Variants in PSMF1 observed in about 807,000 individuals in gnomAD.
PSMF1 encodes proteasome inhibitor PI31 subunit.
PSMF1 carries 30 observed loss-of-function variants against 29.3 expected under a neutral mutation model. The observed-to-expected ratio is 1.02, with a 90% CI of 0.77 to 1.39. The LOEUF is 1.39. Among genes scored for constraint, PSMF1 ranks in the 40% most tolerant of loss-of-function variants. The pLI is 0.00. For missense variants in PSMF1, 344 were observed against 357.5 expected, an observed-to-expected ratio of 0.96 and a Z score of 0.31; for synonymous variants, 134 against 139.7, an observed-to-expected ratio of 0.96 and a Z score of 0.29.
chr20:1,137,628 A>G (rs987572463), intron 4 of PSMF1, among the ~76,000 whole-genome samples: 3 of 9,010 alleles, frequency 3.3e-4, no homozygotes, highest in African/African-American at 4.4e-4. Flanking sequence ...CATGGGGAGA[A>G]AAGGGAGAAA....
At position 1,165,418 on chromosome 20, in the gene PSMF1, C is replaced by G. The variant is rs747333050; in HGVS notation, c.*338C>G. 8.7e-7 allele frequency: 1 copy of G among 1,146,088 alleles called. No homozygotes were observed. The highest frequency in any genetic ancestry group is 1.1e-6 in the Non-Finnish European group (1 of 931,104). 71.0% of individuals were successfully genotyped at this position (1,146,088 alleles called of 1,614,324 possible). A position where few individuals can be genotyped will look rare whatever the true frequency, so the allele number is the denominator to read the frequency against. On this transcript the variant is annotated 3_prime_UTR_variant, in exon 7 of 7. Coordinates refer to ENST00000335877, the MANE Select transcript of PSMF1 (RefSeq NM_006814.5). ...CAGATGCAGTGCTATAAGAACAGAA[C>G]GCATTTTGGATGTTATTATTAAGAA...
intron 4 of PSMF1, among the ~76,000 whole-genome samples, chr20:1,139,148 G>A (rs1286760875): frequency 6.6e-6 from 1 of 152,144 alleles, no homozygotes; most frequent in Non-Finnish European, 1.5e-5. Context: ...ACTCTAGCCT[G>A]GACAACAGAG....
At position 1,128,314 on chromosome 20, in the gene PSMF1, A is replaced by C. The variant is rs184388601; in HGVS notation, c.365+806A>C. ...TTTTTCCTTATAAGTTTAAATTGCC[A>C]CCTCTGTTTTTAATATAACACTACA... On this transcript the variant is annotated intron_variant, in intron 3 of 6. Transcript: ENST00000335877. Among the ~76,000 whole-genome samples the C allele has an allele frequency of 1.4e-4, 22 of 152,146 alleles. No individual in the cohort carries two copies. The East Asian group carries it at 3.5e-3, about 24-fold the overall frequency.
At position 1,165,435 on chromosome 20, in the gene PSMF1, T is replaced by C; in HGVS notation, c.*355T>C. On this transcript the variant is annotated 3_prime_UTR_variant, in exon 7 of 7. Coordinates refer to ENST00000335877, the MANE Select transcript of PSMF1 (RefSeq NM_006814.5). ...GAACAGAACGCATTTTGGATGTTAT[T>C]ATTAAGAACCAAATGTCAATACAGA... 9.1e-7 allele frequency: 1 copy of C among 1,101,082 alleles called. No individual in the cohort carries two copies. Among genetic ancestry groups the C allele is most frequent in the Non-Finnish European group, 1.1e-6 (1 of 903,210 alleles). The allele number at this position is 1,101,082 out of a possible 1,614,324, so 68.2% of individuals were successfully genotyped here. A position where few individuals can be genotyped will look rare whatever the true frequency, so the allele number is the denominator to read the frequency against.
intron 3 of PSMF1, among the ~76,000 whole-genome samples, chr20:1,131,531 G>T (rs531715858): frequency 1.3e-5 from 2 of 152,174 alleles, no homozygotes; most frequent in South Asian, 2.1e-4. Flanking sequence ...AGTCATCTCC[G>T]TGGAAATGGG....
In PSMF1 at chr20:1,138,816, C is replaced by A. The variant is rs900527204; in HGVS notation, c.551+3510C>A. On this transcript the variant is annotated intron_variant, in intron 4 of 6. Transcript: ENST00000335877. ...CTCCAGCCTGGGCAACAAAGTGAGACCCTGTCTCAAAAACAAACAAAAAAA... is the reference window on the plus strand; with the variant it reads ...CTCCAGCCTGGGCAACAAAGTGAGAACCTGTCTCAAAAACAAACAAAAAAA... Among the ~76,000 whole-genome samples, 4 of 148,708 alleles carry A rather than the reference C, an allele frequency of 2.7e-5. No individual in the cohort carries two copies. In the East Asian group the frequency reaches 5.9e-4, roughly 22 times the overall value.
At chr20:1,145,374 G>A (rs1471776584) in intron 4 of PSMF1, among the ~76,000 whole-genome samples, 1 of 152,148 alleles carries the variant, frequency 6.6e-6, no homozygotes, top group Admixed American at 6.5e-5. Flanking sequence ...TCAGGGATGA[G>A]CAATGGACTG....
chr20:1,136,423 G>T (rs2086307467), intron 4 of PSMF1, among the ~76,000 whole-genome samples: 1 of 152,076 alleles, frequency 6.6e-6, no homozygotes, highest in Non-Finnish European at 1.5e-5. Flanking sequence ...AAGTCAAGTT[G>T]GGAAAAAATT....
rs2086716648 is a variant in PSMF1 at position 1,165,370 on chromosome 20, C to T, written c.*290C>T. The T allele has an allele frequency of 4.5e-6, 6 of 1,332,202 alleles. No homozygotes were observed. The highest frequency in any genetic ancestry group is 5.8e-6 in the Non-Finnish European group (6 of 1,041,642). 82.5% of individuals were successfully genotyped at this position (1,332,202 alleles called of 1,614,324 possible). A position where few individuals can be genotyped will look rare whatever the true frequency, so the allele number is the denominator to read the frequency against. On this transcript the variant is annotated 3_prime_UTR_variant, in exon 7 of 7. Coordinates refer to ENST00000335877, the MANE Select transcript of PSMF1 (RefSeq NM_006814.5). ...ACTTCCCAAGGGAGACTCCGGCAAC[C>T]TTCAGCAACATATATCCTCGACCAG...
chr20:1,164,415 G>C lies in PSMF1; in HGVS notation c.703G>C (p.Gly235Arg). The C allele has an allele frequency of 6.2e-7, 1 of 1,614,176 alleles. No individual in the cohort carries two copies. Residue 235 changes from glycine (G) to arginine (R), a missense_variant, in exon 6 of 7, where the codon GGC becomes CGC. By Grantham distance (125) the Gly-to-Arg change is moderately radical. Coordinates refer to ENST00000335877, the MANE Select transcript of PSMF1 (RefSeq NM_006814.5). The surrounding 1 kb of genome is among the most constrained non-coding windows in gnomAD (Gnocchi z 4.1). ...AGGCCTCCCGAACCGACTTCCTCCAGGCGCTGTGCCCCCAGGAGCTCGCTT... is the reference window on the plus strand; with the variant it reads ...AGGCCTCCCGAACCGACTTCCTCCACGCGCTGTGCCCCCAGGAGCTCGCTT... ...SSGLPNRLPP[G>R]AVPPGARFDP...
intron 4 of PSMF1, among the ~76,000 whole-genome samples, chr20:1,146,007 G>A (rs2086444510): frequency 6.6e-6 from 1 of 151,962 alleles, no homozygotes; most frequent in Non-Finnish European, 1.5e-5. Flanking sequence ...CCTGTGCATT[G>A]TACATTTTTG....
chr20:1,166,260 C>T lies in PSMF1; in HGVS notation c.*1180C>T. The T allele has an allele frequency of 6.2e-7, 1 of 1,612,246 alleles. No homozygotes were observed. The highest frequency in any genetic ancestry group is 8.5e-7 in the Non-Finnish European group (1 of 1,179,626). ...CTGACAGACGCGGGCAGTGATGAGCCCTGTTCTGGAGTGGAAAGAGCACGA... is the reference window on the plus strand; with the variant it reads ...CTGACAGACGCGGGCAGTGATGAGCTCTGTTCTGGAGTGGAAAGAGCACGA... On this transcript the variant is annotated 3_prime_UTR_variant, in exon 7 of 7. Coordinates refer to ENST00000335877, the MANE Select transcript of PSMF1 (RefSeq NM_006814.5).
rs1233451764 is a variant in PSMF1, at chr20:1,168,823, A to G, written c.*3743A>G. On this transcript the variant is annotated 3_prime_UTR_variant, in exon 7 of 7. Transcript: ENST00000335877. Reference sequence around the variant, plus strand: ...TATTCTTTGTCACCTAAATTTGTCTACTTCTGTACATTTCCAATAAGGCAC... The same window carrying G: ...TATTCTTTGTCACCTAAATTTGTCTGCTTCTGTACATTTCCAATAAGGCAC... Among the ~76,000 whole-genome samples, 1 of 152,114 alleles carries G rather than the reference A, an allele frequency of 6.6e-6. No individual in the cohort carries two copies. Among genetic ancestry groups the G allele is most frequent in the Admixed American group, 6.5e-5 (1 of 15,278 alleles).
At chr20:1,136,992 A>G (rs1263180713) in intron 4 of PSMF1, among the ~76,000 whole-genome samples, 2 of 152,232 alleles carry the variant, frequency 1.3e-5, no homozygotes, top group Admixed American at 6.5e-5. Context: ...CACCTCCATG[A>G]GTATCTAACA....
chr20:1,134,079 T>C (rs2086272185), intron 3 of PSMF1, among the ~76,000 whole-genome samples: 1 of 146,630 alleles, frequency 6.8e-6, no homozygotes, highest in African/African-American at 2.4e-5. Context: ...TTCTCTCTTG[T>C]TTTTCTTTTT....
At position 1,172,022 on chromosome 20, in the gene PSMF1, A is replaced by G. The variant is rs2090738923; in HGVS notation, c.*6942A>G. On this transcript the variant is annotated 3_prime_UTR_variant, in exon 7 of 7. Transcript: ENST00000335877. ...GTAAAATGTAGATAAGGATGGACCC[A>G]CCTCCCCAAGATCCTGCCTATCTGT... Among the ~76,000 whole-genome samples, 1 of 152,182 alleles carries G rather than the reference A, an allele frequency of 6.6e-6. No homozygotes were observed. The highest frequency in any genetic ancestry group is 2.4e-5 in the African/African-American group (1 of 41,518).
In PSMF1 at chr20:1,167,510, C is replaced by T. The variant is rs538438711; in HGVS notation, c.*2430C>T. The T allele has an allele frequency of 1.3e-5, 2 of 152,334 alleles. No individual in the cohort carries two copies. The highest frequency in any genetic ancestry group is 2.4e-5 in the African/African-American group (1 of 41,528). 9.4% of individuals were successfully genotyped at this position (152,334 alleles called of 1,614,324 possible). A position where few individuals can be genotyped will look rare whatever the true frequency, so the allele number is the denominator to read the frequency against. On this transcript the variant is annotated 3_prime_UTR_variant, in exon 7 of 7. Transcript: ENST00000335877. ...AAACCACACACCCATTGGCATGACT[C>T]CCCATTCCCTTGCTCCCAGCCCCAG...
chr20:1,136,557 A>C (rs2086309561), intron 4 of PSMF1, among the ~76,000 whole-genome samples: 1 of 152,248 alleles, frequency 6.6e-6, no homozygotes, highest in Non-Finnish European at 1.5e-5. Context: ...AACTTACCTC[A>C]TGCACATTTC....
At chr20:1,149,348 T>G (rs1020928728) in intron 4 of PSMF1, among the ~76,000 whole-genome samples, 9 of 152,266 alleles carry the variant, frequency 5.9e-5, no homozygotes, top group African/African-American at 1.9e-4. Flanking sequence ...TCATGCCATT[T>G]GAATGGACCT....
Sources: allele counts gnomAD v4.1 joint callset (sites outside exome capture counted in the v4.1 genomes callset), GRCh38; gene constraint gnomAD v4.1.1; non-coding constraint Gnocchi (gnomAD v3.1); transcripts MANE v1.5; gene names NCBI Gene and HGNC (gene_info 2026-07-23, HGNC 2026-07-21).